The following PRICKLE1 variants were observed in gnomAD, a reference collection of about 807,000 sequenced individuals.
PRICKLE1 encodes the protein prickle planar cell polarity protein 1.
Under a neutral mutation model 70.2 loss-of-function variants are expected in PRICKLE1, and 14 were observed. That is an observed-to-expected ratio of 0.20 (90% confidence interval 0.13 to 0.31). The LOEUF is 0.31. PRICKLE1 is among the 10% of genes least tolerant of loss of function. The pLI is 1.00. For synonymous variants in PRICKLE1, 357 were observed against 379.9 expected (o/e 0.94, Z 0.70); for missense variants, 821 against 1,026.2 (o/e 0.80, Z 2.73).
chr12:42,488,756 G>T (rs1053572061), intron 1 of PRICKLE1, among the ~76,000 whole-genome samples: 8 of 152,134 alleles, frequency 5.3e-5, no homozygotes, highest in Non-Finnish European at 1.0e-4. Flanking sequence ...TTGGTAAGCT[G>T]ACATATACAT....
At chr12:42,539,187 G>A (rs1160387925) in intron 1 of PRICKLE1, among the ~76,000 whole-genome samples, 1 of 152,130 alleles carries the variant, frequency 6.6e-6, no homozygotes, top group Non-Finnish European at 1.5e-5. Context: ...ATACAATCTG[G>A]CTGGGCACGG....
At position 42,488,509 on chromosome 12, in the gene PRICKLE1, C is replaced by T. The variant is rs563339461; in HGVS notation, c.-48-15945G>A. On this transcript the variant is annotated intron_variant, in intron 1 of 7. Coordinates refer to ENST00000345127, the MANE Select transcript of PRICKLE1 (RefSeq NM_153026.3). Reference sequence around the variant, plus strand: ...AACAGATAATTAAACTAGCATTCAGCTTAATTGAATAAAAAACTTTAGGTT... The same window carrying T: ...AACAGATAATTAAACTAGCATTCAGTTTAATTGAATAAAAAACTTTAGGTT... 2.6e-5 allele frequency among the ~76,000 whole-genome samples: 4 copies of T among 152,296 alleles called. No individual in the cohort carries two copies. The East Asian group carries it at 7.7e-4, about 29-fold the overall frequency.
In PRICKLE1 at chr12:42,465,165, C is replaced by T; in HGVS notation, c.869G>A (p.Gly290Glu). ...SCAQCKASLL[G>E]CPFLPKQGQI... ...ACCCTGTTTGGGAAGGAAGGGACAT[C>T]CCAACAAAGAGGCTTTACACTGGGC... The change falls in exon 7 of 8, where the codon GGA becomes GAA. Residue 290 changes from glycine to glutamate, a missense_variant. Coordinates refer to ENST00000345127, the MANE Select transcript of PRICKLE1 (RefSeq NM_153026.3). 1 of 1,595,804 alleles carries T rather than the reference C, an allele frequency of 6.3e-7. No individual in the cohort carries two copies. The highest frequency in any genetic ancestry group is 8.5e-7 in the Non-Finnish European group (1 of 1,174,874).
chr12:42,577,096 G>A (rs1430684574), intron 1 of PRICKLE1, among the ~76,000 whole-genome samples: 4 of 152,100 alleles, frequency 2.6e-5, no homozygotes, highest in Non-Finnish European at 4.4e-5. Context: ...ATCCAGTTTG[G>A]TCAATGGGCA....
chr12:42,497,385 A>AT (rs1939224094), intron 1 of PRICKLE1, among the ~76,000 whole-genome samples: 1 of 151,978 alleles, frequency 6.6e-6, no homozygotes, highest in South Asian at 2.1e-4. Flanking sequence ...CTCTACTAAA[A>AT]ATACAAAAAC....
At chr12:42,501,807 C>T (rs1939316601) in intron 1 of PRICKLE1, among the ~76,000 whole-genome samples, 1 of 152,066 alleles carries the variant, frequency 6.6e-6, no homozygotes, top group South Asian at 2.1e-4. Context: ...TTGAAACATC[C>T]AGGCATTATG....
At chr12:42,529,260 A>G (rs1939865751) in intron 1 of PRICKLE1, among the ~76,000 whole-genome samples, 2 of 152,338 alleles carry the variant, frequency 1.3e-5, no homozygotes, top group African/African-American at 4.8e-5. Context: ...ACATGTTCCT[A>G]TGGGACTTGA....
At chr12:42,461,045 C>T (rs1314042630) in intron 7 of PRICKLE1, among the ~76,000 whole-genome samples, 1 of 152,134 alleles carries the variant, frequency 6.6e-6, no homozygotes, top group Non-Finnish European at 1.5e-5. Flanking sequence ...CCACACCTGG[C>T]TACTTTTGTA....
chr12:42,477,038 C>G (rs1302880703), intron 1 of PRICKLE1, among the ~76,000 whole-genome samples: 1 of 152,014 alleles, frequency 6.6e-6, no homozygotes, highest in African/African-American at 2.4e-5. Context: ...GCAGTGGCAG[C>G]TAAACACAGT....
chr12:42,563,580 G>A (rs1253482700), intron 1 of PRICKLE1, among the ~76,000 whole-genome samples: 4 of 151,360 alleles, frequency 2.6e-5, no homozygotes, highest in African/African-American at 9.7e-5. Context: ...ATGGGCACCT[G>A]TAGTCCCAGC....
chr12:42,514,698 T>C (rs1939573625), intron 1 of PRICKLE1, among the ~76,000 whole-genome samples: 1 of 151,468 alleles, frequency 6.6e-6, no homozygotes, highest in Non-Finnish European at 1.5e-5. Flanking sequence ...TTAAACCTAA[T>C]TTTTTTTTAC....
chr12:42,485,741 A>G (rs975950317), intron 1 of PRICKLE1, among the ~76,000 whole-genome samples: 9 of 152,370 alleles, frequency 5.9e-5, no homozygotes, highest in African/African-American at 1.9e-4. Flanking sequence ...ACATTAGGCA[A>G]CAAAATACTT....
intron 1 of PRICKLE1, among the ~76,000 whole-genome samples, chr12:42,551,448 AC>A (rs143961339): frequency 0.077 from 11,711 of 152,228 alleles, 482 homozygotes; most frequent in Non-Finnish European, 0.091. Context: ...TCCCAGTAAT[AC>A]TAACTGCAGT....
chr12:42,588,541 C>T (rs1302607730), intron 1 of PRICKLE1, among the ~76,000 whole-genome samples: 1 of 151,536 alleles, frequency 6.6e-6, no homozygotes, highest in Non-Finnish European at 1.5e-5. Flanking sequence ...AGGCTGGTTC[C>T]CGTGGTGTGT....
At chr12:42,551,389 T>C (rs1006981987) in intron 1 of PRICKLE1, among the ~76,000 whole-genome samples, 5 of 152,196 alleles carry the variant, frequency 3.3e-5, no homozygotes, top group Admixed American at 1.3e-4. Context: ...AGGAAGATTG[T>C]TGTAAGCACT....
intron 1 of PRICKLE1, chr12:42,483,219 G>T (rs1938868104): frequency 6.6e-6 from 1 of 152,470 alleles, no homozygotes. Flanking sequence ...CACTCGCCCT[G>T]CGGCTGGACG....
chr12:42,573,862 G>A (rs530875583), intron 1 of PRICKLE1, among the ~76,000 whole-genome samples: 1 of 152,330 alleles, frequency 6.6e-6, no homozygotes, highest in East Asian at 1.9e-4. Flanking sequence ...AAATTATTAT[G>A]TGTGGCAGTG....
intron 1 of PRICKLE1, among the ~76,000 whole-genome samples, chr12:42,553,091 T>A (rs541691711): frequency 2.6e-5 from 4 of 151,858 alleles, no homozygotes; most frequent in Non-Finnish European, 5.9e-5. Flanking sequence ...GGCCTGGGGG[T>A]GGGGACCCCT....
rs113774118 is a variant in PRICKLE1 at position 42,470,643 on chromosome 12, C to T, written c.133-284G>A. Among the ~76,000 whole-genome samples the T allele has an allele frequency of 0.02, 2,990 of 152,116 alleles. 90 individuals are homozygous for T. The highest frequency in any genetic ancestry group is 0.069 in the African/African-American group (2,840 of 41,380). On this transcript the variant is annotated intron_variant, in intron 2 of 7. Transcript: ENST00000345127. ...CCACTCTTCCCGGTGGTGTGGCTCA[C>T]GCCTGTAATCCCAGCACTCTGGGAG...
Sources: gnomAD v4.1 joint callset for allele counts (sites outside exome capture counted in the v4.1 genomes callset) on GRCh38, gnomAD v4.1.1 for gene constraint, MANE v1.5 for transcripts, NCBI Gene and HGNC (gene_info 2026-07-23, HGNC 2026-07-21) for gene names.